The following INPP4B variants were observed in gnomAD, a reference collection of about 807,000 sequenced individuals.
INPP4B encodes the protein inositol polyphosphate 4-phosphatase type II.
Under a neutral mutation model 122.5 loss-of-function variants are expected in INPP4B, and 55 were observed. The observed-to-expected ratio is 0.45, with a 90% confidence interval of 0.36 to 0.56. INPP4B has a LOEUF of 0.56. INPP4B is among the 20% of genes least tolerant of loss of function. The pLI, the probability that INPP4B is intolerant of heterozygous loss-of-function variation, is 0.00. For missense variants in INPP4B, 1,000 were observed against 1,097.7 expected (o/e 0.91, Z 1.26); for synonymous variants, 403 against 388.7 (o/e 1.04, Z -0.43).
At chr4:142,260,753 T>C (rs1739558519) in intron 10 of INPP4B, among the ~76,000 whole-genome samples, 189 bp from the exon 11 acceptor site, 1 of 152,176 alleles carries the variant, frequency 6.6e-6, no homozygotes, top group Non-Finnish European at 1.5e-5. Context: ...TACTTAAATG[T>C]ATACAGAATA....
At chr4:142,048,051 C>T (rs1752510550) in intron 25 of INPP4B, among the ~76,000 whole-genome samples, 1 of 152,066 alleles carries the variant, frequency 6.6e-6, no homozygotes. Flanking sequence ...ATCACCTCAC[C>T]CCAGTGGTCA....
At chr4:142,121,018 G>C (rs893434164) in intron 21 of INPP4B, among the ~76,000 whole-genome samples, 2 of 152,064 alleles carry the variant, frequency 1.3e-5, no homozygotes, top group African/African-American at 4.8e-5. Context: ...AAAGCATGCT[G>C]TACTCTGCCT....
At chr4:142,235,420 C>T (rs1856259758) in intron 12 of INPP4B, among the ~76,000 whole-genome samples, 1 of 151,416 alleles carries the variant, frequency 6.6e-6, no homozygotes, top group Admixed American at 6.6e-5. Flanking sequence ...TATGACATGT[C>T]ATTATTTATT....
intron 18 of INPP4B, among the ~76,000 whole-genome samples, chr4:142,132,634 C>A (rs1801900680): frequency 6.6e-6 from 1 of 152,122 alleles, no homozygotes; most frequent in Non-Finnish European, 1.5e-5. Flanking sequence ...TAGCTCAGAC[C>A]ATCTCCTCTG....
intron 2 of INPP4B, among the ~76,000 whole-genome samples, chr4:142,498,418 T>G (rs913520809): frequency 6.6e-6 from 1 of 152,000 alleles, no homozygotes; most frequent in Non-Finnish European, 1.5e-5. Context: ...CCTTAAAAGT[T>G]GAAGATGACT....
intron 3 of INPP4B, among the ~76,000 whole-genome samples, chr4:142,436,177 A>C (rs896679891): frequency 2.6e-5 from 4 of 152,094 alleles, no homozygotes; most frequent in African/African-American, 7.2e-5. Flanking sequence ...ACACTGACCC[A>C]TCCCTCCTCA....
intron 2 of INPP4B, among the ~76,000 whole-genome samples, chr4:142,566,479 T>A (rs1366041294): frequency 6.6e-6 from 1 of 152,154 alleles, no homozygotes; most frequent in African/African-American, 2.4e-5. Flanking sequence ...GCAGAAGGAA[T>A]GTGATCCTGT....
At chr4:142,621,402 C>T (rs879505059) in intron 2 of INPP4B, among the ~76,000 whole-genome samples, 13 of 152,054 alleles carry the variant, frequency 8.5e-5, no homozygotes, top group Admixed American at 2.0e-4. Context: ...CCACACACCA[C>T]TTATACAGTC....
At chr4:142,056,107 A>G (rs959482332) in intron 25 of INPP4B, among the ~76,000 whole-genome samples, 5 of 151,972 alleles carry the variant, frequency 3.3e-5, no homozygotes, top group African/African-American at 1.2e-4. Flanking sequence ...GTCTGTGTTG[A>G]TCTGACGGAA....
chr4:142,053,429 T>C (rs997866865), intron 25 of INPP4B, among the ~76,000 whole-genome samples: 1 of 152,122 alleles, frequency 6.6e-6, no homozygotes, highest in African/African-American at 2.4e-5. Context: ...GGTAACATTG[T>C]ATCATTAACA....
chr4:142,146,701 G>A (rs1810954013), intron 17 of INPP4B, among the ~76,000 whole-genome samples: 1 of 152,124 alleles, frequency 6.6e-6, no homozygotes, highest in African/African-American at 2.4e-5. Context: ...CCCACCAACT[G>A]AATCAGAAAC....
At chr4:142,437,893 C>G (rs1810871176) in intron 3 of INPP4B, among the ~76,000 whole-genome samples, 1 of 152,014 alleles carries the variant, frequency 6.6e-6, no homozygotes, top group African/African-American at 2.4e-5. Context: ...AATAGCCTAG[C>G]AACCAAAAAA....
At chr4:142,658,254 G>T (rs1754513869) in intron 2 of INPP4B, among the ~76,000 whole-genome samples, 5 of 152,108 alleles carry the variant, frequency 3.3e-5, no homozygotes, top group Admixed American at 2.6e-4. Flanking sequence ...AACTGTAATA[G>T]GTGCTCTTAA....
intron 2 of INPP4B, among the ~76,000 whole-genome samples, chr4:142,648,924 T>C (rs898037722): frequency 6.6e-6 from 1 of 152,142 alleles, no homozygotes; most frequent in Non-Finnish European, 1.5e-5. Context: ...TGTAGCCAAA[T>C]GGGGAGATAC....
chr4:142,755,820 CT>C (rs1770425014), intron 1 of INPP4B, among the ~76,000 whole-genome samples: 1 of 151,990 alleles, frequency 6.6e-6, no homozygotes, highest in African/African-American at 2.4e-5. Context: ...ACAATATATA[CT>C]CTTTAAAAAT....
intron 5 of INPP4B, among the ~76,000 whole-genome samples, chr4:142,426,020 G>C: frequency 1.0e-5 from 1 of 96,064 alleles, no homozygotes; most frequent in Non-Finnish European, 3.1e-5. Context: ...GAGCGTCAAG[G>C]AAAGAACACA....
chr4:142,783,822 C>G (rs1210799548), intron 1 of INPP4B, among the ~76,000 whole-genome samples: 1 of 151,976 alleles, frequency 6.6e-6, no homozygotes, highest in Non-Finnish European at 1.5e-5. Context: ...ACCTAATGTA[C>G]TAGATTCTGG....
At chr4:142,441,713 A>T (rs988447301) in intron 3 of INPP4B, among the ~76,000 whole-genome samples, 1 of 152,068 alleles carries the variant, frequency 6.6e-6, no homozygotes, top group Admixed American at 6.6e-5. Context: ...AGGCATGGTC[A>T]GTGATGGGAG....
At chr4:142,534,427 A>G (rs1416339205) in intron 2 of INPP4B, among the ~76,000 whole-genome samples, 2 of 152,104 alleles carry the variant, frequency 1.3e-5, no homozygotes, top group African/African-American at 4.8e-5. Context: ...TGGAAGGAGC[A>G]TTCTCTTACT....
Sources: allele counts gnomAD v4.1 joint callset (sites outside exome capture counted in the v4.1 genomes callset), GRCh38; gene constraint gnomAD v4.1.1; transcripts MANE v1.5; gene names NCBI Gene and HGNC (gene_info 2026-07-23, HGNC 2026-07-21).